Variants in EVL observed in about 807,000 individuals in gnomAD.
The protein encoded by EVL is Enah/Vasp-like, also known as ena/VASP-like protein.
A neutral mutation model predicts 59.6 loss-of-function variants in EVL; 21 were observed. That is an observed-to-expected ratio of 0.35 (90% CI 0.25 to 0.51). The LOEUF (loss-of-function observed/expected upper bound fraction) is 0.51, where lower values mean the gene tolerates loss of function less well. Among genes scored for constraint, EVL ranks in the 20% least tolerant of loss-of-function variants. The probability of loss-of-function intolerance (pLI) is 0.97; values close to 1 mark genes in which losing one functional copy is unlikely to be tolerated. For synonymous variants in EVL, 198 were observed against 203.5 expected (o/e 0.97, Z 0.23); for missense variants, 462 against 546.6 (o/e 0.85, Z 1.54).
chr14:100,141,930 C>T, intron 13 of EVL, 137 bp downstream of exon 13: 1 of 647,734 alleles, frequency 1.5e-6, no homozygotes, highest in Non-Finnish European at 2.4e-6. Context: ...TTCATTCTTA[C>T]CATCTCTAGT....
At position 100,047,118 on chromosome 14, in the gene EVL, C is replaced by CTTTTTTTTTTTTT. The variant is rs869205625; in HGVS notation, c.6-37554_6-37542dup. Among the ~76,000 whole-genome samples, 25 of 23,886 alleles carry CTTTTTTTTTTTTT rather than the reference C, an allele frequency of 1.0e-3. 1 individual carries two copies. The highest frequency in any genetic ancestry group is 3.4e-3 in the African/African-American group (25 of 7,294). The allele number at this position is 23,886 out of a possible 152,430, so 15.7% of individuals were successfully genotyped here. A position where few individuals can be genotyped will look rare whatever the true frequency, so the allele number is the denominator to read the frequency against. Reference sequence around the variant, plus strand: ...TGAGACCTTGGGCAGATCTCTCTCTCTTTTTTTTTTTTTTTTTTTTTTTTT... The same window carrying CTTTTTTTTTTTTT: ...TGAGACCTTGGGCAGATCTCTCTCTCTTTTTTTTTTTTTTTTTTTTTTTTTTTTTTTTTTTTTT... On this transcript the variant is annotated intron_variant, in intron 1 of 13. Transcript: ENST00000402714.
intron 1 of EVL, among the ~76,000 whole-genome samples, chr14:100,029,725 T>A (rs1322654777): frequency 6.6e-6 from 1 of 152,074 alleles, no homozygotes; most frequent in Non-Finnish European, 1.5e-5. Context: ...CAAGGGCTGT[T>A]AGTAGGTGTG....
intron 1 of EVL, among the ~76,000 whole-genome samples, chr14:100,082,785 A>G (rs964444821): frequency 2.6e-5 from 4 of 152,252 alleles, no homozygotes; most frequent in Admixed American, 2.6e-4. Flanking sequence ...ATCTCAGACC[A>G]CATCACAGTG....
chr14:100,124,733 G>C (rs1029412860), intron 4 of EVL, among the ~76,000 whole-genome samples: 14 of 152,300 alleles, frequency 9.2e-5, no homozygotes, highest in Non-Finnish European at 1.9e-4. Context: ...GTACAGGCGT[G>C]GATGGCTAAA....
At chr14:100,029,733 G>A (rs1259389747) in intron 1 of EVL, among the ~76,000 whole-genome samples, 7 of 152,272 alleles carry the variant, frequency 4.6e-5, no homozygotes, top group African/African-American at 1.2e-4. Flanking sequence ...GTTAGTAGGT[G>A]TGCGGGAGCT....
At chr14:100,039,528 C>T (rs1321689044) in intron 1 of EVL, among the ~76,000 whole-genome samples, 1 of 152,174 alleles carries the variant, frequency 6.6e-6, no homozygotes, top group Admixed American at 6.5e-5. Flanking sequence ...TGAGCCACTG[C>T]ACCCAGTTGT....
At chr14:100,082,343 A>G (rs957584019) in intron 1 of EVL, among the ~76,000 whole-genome samples, 83 of 152,078 alleles carry the variant, frequency 5.5e-4, no homozygotes, top group African/African-American at 1.5e-3. Flanking sequence ...TATTGTGCCC[A>G]GTTTTAGGAC....
At chr14:100,123,493 C>T in intron 3 of EVL, 46 bp from the exon 4 acceptor site, 1 of 1,604,018 alleles carries the variant, frequency 6.2e-7, no homozygotes, top group Non-Finnish European at 8.5e-7. Context: ...TTTGCTGGGG[C>T]CTTTCTTCCT....
chr14:100,007,699 T>C (rs1595559133), intron 1 of EVL, among the ~76,000 whole-genome samples: 1 of 151,810 alleles, frequency 6.6e-6, no homozygotes, highest in Non-Finnish European at 1.5e-5. Flanking sequence ...AGCGGGGAGG[T>C]ACAGCTTCAC....
chr14:99,985,884 G>C (rs750775616), intron 1 of EVL, among the ~76,000 whole-genome samples: 2 of 152,120 alleles, frequency 1.3e-5, no homozygotes, highest in Non-Finnish European at 1.5e-5. Context: ...TAGCAATTTA[G>C]ATCTCTAACT....
chr14:100,039,039 A>C (rs998058427), intron 1 of EVL, among the ~76,000 whole-genome samples: 2 of 152,190 alleles, frequency 1.3e-5, no homozygotes, highest in African/African-American at 4.8e-5. Context: ...CCAAGTCACC[A>C]AATAAGTATA....
At chr14:99,991,958 C>CTGTGTGTGTGTGTGTGTGTG (rs1491151315) in intron 1 of EVL, among the ~76,000 whole-genome samples, 1 of 73,404 alleles carries the variant, frequency 1.4e-5, no homozygotes, top group African/African-American at 6.5e-5. Flanking sequence ...TGAGGGTCAA[C>CTGTGTGTGTGTGTGTGTGTG]TCTGTGTGTG....
chr14:100,019,237 C>A, intron 1 of EVL: 1 of 165,372 alleles, frequency 6.0e-6, no homozygotes, highest in Non-Finnish European at 1.3e-5. Flanking sequence ...CAGATCACAG[C>A]GGAACAGGTT....
At chr14:100,006,016 C>T (rs7156162) in intron 1 of EVL, among the ~76,000 whole-genome samples, 7 of 149,676 alleles carry the variant, frequency 4.7e-5, no homozygotes, top group African/African-American at 1.2e-4. Flanking sequence ...ATTTCCCCCC[C>T]CCCCCCCACA....
chr14:100,022,382 A>G (rs1246063102), intron 1 of EVL, among the ~76,000 whole-genome samples: 2 of 151,762 alleles, frequency 1.3e-5, no homozygotes, highest in Non-Finnish European at 1.5e-5. Flanking sequence ...GATTCAAGCA[A>G]TCCTTCTGCC....
intron 3 of EVL, among the ~76,000 whole-genome samples, chr14:100,099,286 C>T (rs182379808): frequency 6.1e-4 from 92 of 151,920 alleles, no homozygotes; most frequent in African/African-American, 2.2e-3. Context: ...TGCATGCCTG[C>T]AATTCATGAG....
At chr14:100,044,938 G>A (rs1055147563) in intron 1 of EVL, among the ~76,000 whole-genome samples, 2 of 152,168 alleles carry the variant, frequency 1.3e-5, no homozygotes, top group Admixed American at 6.5e-5. Context: ...CTCCAGCATG[G>A]ATGACAGAGC....
At chr14:99,992,997 C>T (rs983523552) in intron 1 of EVL, among the ~76,000 whole-genome samples, 11 of 150,374 alleles carry the variant, frequency 7.3e-5, no homozygotes, top group East Asian at 5.9e-4. Context: ...TAATGTATTG[C>T]GTTGATTTTT....
intron 4 of EVL, 60 bp from the exon 5 acceptor site, chr14:100,126,647 C>T: frequency 6.3e-7 from 1 of 1,585,870 alleles, no homozygotes; most frequent in South Asian, 1.1e-5. Flanking sequence ...AGCACAGGCA[C>T]AGAGTGTGGT....
Sources: gnomAD v4.1 joint callset for allele counts (sites outside exome capture counted in the v4.1 genomes callset) on GRCh38, gnomAD v4.1.1 for gene constraint, MANE v1.5 for transcripts, NCBI Gene and HGNC (gene_info 2026-07-23, HGNC 2026-07-21) for gene names.